KALRN: variants seen among roughly 807,000 people sequenced by gnomAD.
KALRN encodes the protein kalirin RhoGEF kinase.
KALRN carries 70 observed loss-of-function variants against 353.7 expected under a neutral mutation model. The ratio of observed to expected loss-of-function variants is 0.20; its 90% confidence interval spans 0.16 to 0.24. KALRN has a LOEUF of 0.24. KALRN is among the 10% of genes least tolerant of loss of function. The pLI, the probability that KALRN is intolerant of heterozygous loss-of-function variation, is 1.00. For synonymous variants in KALRN, 1,391 were observed against 1,434.8 expected (o/e 0.97, Z 0.69); for missense variants, 2,791 against 3,756.7 (o/e 0.74, Z 6.72).
intron 1 of KALRN, among the ~76,000 whole-genome samples, chr3:124,068,804 AG>A (rs1351224273): frequency 1.3e-4 from 20 of 152,220 alleles, no homozygotes; most frequent in African/African-American, 4.8e-4. Context: ...TGGAGCTTGG[AG>A]GAGTTGTGGA....
chr3:124,135,230 C>G (rs2065788381), intron 1 of KALRN, among the ~76,000 whole-genome samples: 1 of 152,126 alleles, frequency 6.6e-6, no homozygotes, highest in South Asian at 2.1e-4. Context: ...TTTGCAATGA[C>G]CTGGATGAGA....
intron 3 of KALRN, among the ~76,000 whole-genome samples, chr3:124,261,327 G>A (rs1370247331): frequency 6.6e-6 from 1 of 152,130 alleles, no homozygotes; most frequent in Non-Finnish European, 1.5e-5. Context: ...GTTATTGTTA[G>A]GATATAATGA....
chr3:124,674,775 A>C, intron 49 of KALRN, 161 bp downstream of exon 49: 1 of 677,314 alleles, frequency 1.5e-6, no homozygotes, highest in Non-Finnish European at 2.3e-6. Context: ...ACCATATGCA[A>C]CATGGGGCAT....
Position 124,348,950 on chromosome 3 carries a change from C to A in KALRN, c.1770+1685C>A, listed in dbSNP as rs1443712467. On this transcript the variant is annotated intron_variant, in intron 10 of 59. Transcript: ENST00000682506. ...GCCAGGCTGGTCTCGAACTCCTGAC[C>A]TCAAGTGATCCACCCACCTCAGCCT... is the stretch of plus-strand genomic sequence containing the variant. Among the ~76,000 whole-genome samples, 4 of 152,238 alleles carry A rather than the reference C, an allele frequency of 2.6e-5. No individual in the cohort carries two copies. The East Asian group carries it at 7.7e-4, about 29-fold the overall frequency.
chr3:124,269,218 G>A lies in KALRN; in HGVS notation c.932G>A (p.Cys311Tyr), dbSNP rs757313652. The change falls in exon 5 of 60, where the codon TGC becomes TAC. Residue 311 changes from cysteine to tyrosine, a missense_variant. Physicochemically the swap from Cys to Tyr is radical, Grantham distance 194 (BLOSUM62 -2). Transcript: ENST00000682506. ...GTGCGCAAGCTCAAGCTGGACCAGTGCTTTCAGCTGCGGCTCTTCGAGCAG... is the reference window on the plus strand; with the variant it reads ...GTGCGCAAGCTCAAGCTGGACCAGTACTTTCAGCTGCGGCTCTTCGAGCAG... ...WHVRKLKLDQ[C>Y]FQLRLFEQDA... The A allele has an allele frequency of 1.2e-6, 2 of 1,603,718 alleles. No homozygotes were observed. Among genetic ancestry groups the A allele is most frequent in the Non-Finnish European group, 1.7e-6 (2 of 1,172,066 alleles).
intron 9 of KALRN, among the ~76,000 whole-genome samples, chr3:124,337,769 G>C (rs140349743): frequency 1.3e-5 from 2 of 152,146 alleles, no homozygotes; most frequent in Non-Finnish European, 2.9e-5. Flanking sequence ...AATCCATCTG[G>C]TCCTGGACGT....
intron 37 of KALRN, among the ~76,000 whole-genome samples, chr3:124,645,672 G>T (rs1323699071): frequency 6.6e-6 from 1 of 151,720 alleles, no homozygotes; most frequent in African/African-American, 2.4e-5. Context: ...GCGTGTGTGT[G>T]TGTGTGTATC....
chr3:124,238,801 G>A (rs1048731727), intron 3 of KALRN, among the ~76,000 whole-genome samples: 1 of 152,170 alleles, frequency 6.6e-6, no homozygotes, highest in Non-Finnish European at 1.5e-5. Context: ...TATTCGTTCA[G>A]CGTCCATCTT....
chr3:124,230,519 GA>G (rs1312068387), intron 2 of KALRN, among the ~76,000 whole-genome samples: 1 of 152,084 alleles, frequency 6.6e-6, no homozygotes, highest in East Asian at 1.9e-4. Context: ...CAGAGCCTCA[GA>G]AAAAAACCTT....
chr3:124,561,489 T>G (rs2072003573), intron 33 of KALRN, among the ~76,000 whole-genome samples: 3 of 152,202 alleles, frequency 2.0e-5, no homozygotes, highest in African/African-American at 7.2e-5. Flanking sequence ...TGTAAATCTC[T>G]CACAGTCCTG....
intron 3 of KALRN, among the ~76,000 whole-genome samples, chr3:124,239,753 TC>T (rs1472212694): frequency 6.6e-6 from 1 of 152,200 alleles, no homozygotes; most frequent in African/African-American, 2.4e-5. Flanking sequence ...TGCAAGGGTT[TC>T]CTGCCTCTAT....
chr3:124,195,386 A>G (rs1300604578), intron 1 of KALRN, among the ~76,000 whole-genome samples: 2 of 152,184 alleles, frequency 1.3e-5, no homozygotes, highest in African/African-American at 4.8e-5. Flanking sequence ...TGGAGCATGT[A>G]CAAGTACTTT....
At chr3:124,165,258 T>G (rs746184716) in intron 1 of KALRN, among the ~76,000 whole-genome samples, 17 of 152,214 alleles carry the variant, frequency 1.1e-4, no homozygotes, top group Non-Finnish European at 2.2e-4. Flanking sequence ...TTGTCTAAAA[T>G]TTTTTAGGGC....
chr3:124,057,258 T>C (rs573949861), intron 1 of KALRN, among the ~76,000 whole-genome samples: 1 of 152,268 alleles, frequency 6.6e-6, no homozygotes, highest in East Asian at 1.9e-4. Context: ...TGTCTTCAGG[T>C]ATGAGTACAT....
rs1401722841 is a variant in KALRN, at chr3:124,084,614, AGG to A, written c.73+50803_73+50804del. Among the ~76,000 whole-genome samples, 7 of 152,344 alleles carry A rather than the reference AGG, an allele frequency of 4.6e-5. No homozygotes were observed. In the East Asian group the frequency reaches 1.3e-3, roughly 29 times the overall value. On this transcript the variant is annotated intron_variant, in intron 1 of 59. Transcript: ENST00000682506. ...AGCATGTTTAGACAATTACTCCCCA[AGG>A]GAGCCCAAGTACTAGCTTTGTTTAT... is the stretch of plus-strand genomic sequence containing the variant.
chr3:124,216,325 T>C (rs1446468858), intron 1 of KALRN, among the ~76,000 whole-genome samples: 2 of 152,232 alleles, frequency 1.3e-5, no homozygotes, highest in East Asian at 3.8e-4. Flanking sequence ...AAATAGGATC[T>C]AGTGGTTTGA....
intron 33 of KALRN, among the ~76,000 whole-genome samples, chr3:124,508,976 A>G (rs1011744928): frequency 6.6e-6 from 1 of 152,062 alleles, no homozygotes; most frequent in Non-Finnish European, 1.5e-5. Context: ...CCCTGGTTCA[A>G]GCTTTTACCT....
intron 21 of KALRN, among the ~76,000 whole-genome samples, chr3:124,452,495 G>A (rs531999614): frequency 6.6e-6 from 1 of 152,290 alleles, no homozygotes; most frequent in East Asian, 1.9e-4. Context: ...GGGAACACTG[G>A]GAAGGCATTG....
At chr3:124,107,367 A>G (rs955663867) in intron 1 of KALRN, among the ~76,000 whole-genome samples, 6 of 152,102 alleles carry the variant, frequency 3.9e-5, no homozygotes, top group Non-Finnish European at 8.8e-5. Flanking sequence ...TGGAAGTTTC[A>G]GGATGAACAC....
Sources: gnomAD v4.1 joint callset for allele counts (sites outside exome capture counted in the v4.1 genomes callset) on GRCh38, gnomAD v4.1.1 for gene constraint, MANE v1.5 for transcripts, NCBI Gene and HGNC (gene_info 2026-07-23, HGNC 2026-07-21) for gene names.